The following CACNG4 variants were observed in gnomAD, a reference collection of about 807,000 sequenced individuals.
CACNG4 encodes the protein calcium voltage-gated channel auxiliary subunit gamma 4, also known as voltage-dependent calcium channel gamma-4 subunit.
A neutral mutation model predicts 22.9 loss-of-function variants in CACNG4; 8 were observed. The ratio of observed to expected loss-of-function variants is 0.35; its 90% confidence interval spans 0.21 to 0.63. The LOEUF (loss-of-function observed/expected upper bound fraction) is 0.63. Among genes scored for constraint, CACNG4 ranks in the 30% least tolerant of loss-of-function variants. The pLI, the probability that CACNG4 is intolerant of heterozygous loss-of-function variation, is 0.72. For synonymous variants in CACNG4, 188 were observed against 191.9 expected, an observed-to-expected ratio of 0.98 and a Z score of 0.17; for missense variants, 357 against 455.4, an observed-to-expected ratio of 0.78 and a Z score of 1.97.
rs535133076 is a variant in CACNG4 at position 67,013,256 on chromosome 17, G to C, written c.221-4933G>C. Among the ~76,000 whole-genome samples the C allele has an allele frequency of 9.9e-5, 15 of 152,172 alleles. No individual in the cohort carries two copies. In the South Asian group the frequency reaches 3.1e-3, roughly 32 times the overall value. ...CTCTGGCCCCCAGGGTTCACACCTC[G>C]CTTCCCAGCTCCCATGTCCAAGTGC... is the stretch of plus-strand genomic sequence containing the variant. On this transcript the variant is annotated intron_variant, in intron 1 of 3. Coordinates refer to ENST00000262138, the MANE Select transcript of CACNG4 (RefSeq NM_014405.4).
chr17:66,989,060 C>CA (rs35041834), intron 1 of CACNG4, among the ~76,000 whole-genome samples: 29,086 of 63,190 alleles, frequency 0.46, 6,921 homozygotes, highest in Non-Finnish European at 0.5. Flanking sequence ...GACTCTGCCT[C>CA]AAAAAAAAAA....
At chr17:67,004,617 A>G (rs2143331347) in intron 1 of CACNG4, among the ~76,000 whole-genome samples, 1 of 152,308 alleles carries the variant, frequency 6.6e-6, no homozygotes, top group Middle Eastern at 3.4e-3. Context: ...GGAGCCCTGG[A>G]AAAACAGGTT....
intron 1 of CACNG4, 44 bp downstream of exon 1, chr17:66,965,175 C>G: frequency 2.7e-6 from 3 of 1,130,150 alleles, no homozygotes; most frequent in Non-Finnish European, 3.8e-6. Flanking sequence ...CACACACACA[C>G]ACACACACAC....
At position 67,031,802 on chromosome 17, in the gene CACNG4, G is replaced by A; in HGVS notation, c.*798G>A. 1 of 456,696 alleles carries A rather than the reference G, an allele frequency of 2.2e-6. No individual in the cohort carries two copies. The highest frequency in any genetic ancestry group is 7.0e-5 in the East Asian group (1 of 14,380). 28.3% of individuals were successfully genotyped at this position (456,696 alleles called of 1,614,324 possible). ...GAGGGTTCCATCGGTCAGGGGAATG[G>A]CGGCCACGTGACCTCTTGCCGTGCC... On this transcript the variant is annotated 3_prime_UTR_variant, in exon 4 of 4. Coordinates refer to ENST00000262138, the MANE Select transcript of CACNG4 (RefSeq NM_014405.4). This position sits in a 1 kb window ranked among gnomAD's most constrained non-coding sequence, Gnocchi z 4.0.
At position 66,969,104 on chromosome 17, in the gene CACNG4, G is replaced by T. The variant is rs189176504; in HGVS notation, c.220+3973G>T. ...TCAATCTCATGCATTCTGGAATTCAGTGGGTACAGAATGTAAGCAAACATC... is the reference window on the plus strand; with the variant it reads ...TCAATCTCATGCATTCTGGAATTCATTGGGTACAGAATGTAAGCAAACATC... On this transcript the variant is annotated intron_variant, in intron 1 of 3. Coordinates refer to ENST00000262138, the MANE Select transcript of CACNG4 (RefSeq NM_014405.4). 2.6e-5 allele frequency among the ~76,000 whole-genome samples: 4 copies of T among 152,328 alleles called. No individual in the cohort carries two copies. The East Asian group carries it at 7.7e-4, about 29-fold the overall frequency.
At chr17:67,000,138 G>C (rs1038116552) in intron 1 of CACNG4, among the ~76,000 whole-genome samples, 7 of 152,146 alleles carry the variant, frequency 4.6e-5, no homozygotes, top group African/African-American at 1.7e-4. Context: ...AAGCAGAATC[G>C]CTGCATTCAG....
At chr17:66,985,151 A>T (rs1021462957) in intron 1 of CACNG4, among the ~76,000 whole-genome samples, 1 of 152,134 alleles carries the variant, frequency 6.6e-6, no homozygotes, top group African/African-American at 2.4e-5. Context: ...ACCCGCCCTC[A>T]TCCTGCCTTA....
chr17:67,016,592 GAC>G (rs1257699299), intron 1 of CACNG4, among the ~76,000 whole-genome samples: 4 of 152,234 alleles, frequency 2.6e-5, no homozygotes, highest in African/African-American at 9.6e-5. Context: ...GCTCCTGACT[GAC>G]TGAGGCAACA....
chr17:66,965,594 G>T (rs1481329719), intron 1 of CACNG4, among the ~76,000 whole-genome samples: 1 of 150,494 alleles, frequency 6.6e-6, no homozygotes, highest in Admixed American at 6.6e-5. Context: ...GGCAACCGGT[G>T]TCTGTGCTAT....
chr17:66,974,776 C>T (rs1291561857), intron 1 of CACNG4, among the ~76,000 whole-genome samples: 1 of 152,160 alleles, frequency 6.6e-6, no homozygotes, highest in African/African-American at 2.4e-5. Context: ...GCCACTTCCG[C>T]CCCCACAGGC....
chr17:67,007,239 T>C (rs1018123239), intron 1 of CACNG4, among the ~76,000 whole-genome samples: 3 of 152,148 alleles, frequency 2.0e-5, no homozygotes, highest in African/African-American at 4.8e-5. Flanking sequence ...CCTCAATGAC[T>C]CTAAACTATC....
intron 1 of CACNG4, among the ~76,000 whole-genome samples, chr17:66,989,570 G>A (rs2035326361): frequency 6.6e-6 from 1 of 151,572 alleles, no homozygotes; most frequent in Non-Finnish European, 1.5e-5. Flanking sequence ...TTTTAAGCCA[G>A]CTCGTTTGTG....
At chr17:66,979,347 C>A (rs1392347874) in intron 1 of CACNG4, among the ~76,000 whole-genome samples, 1 of 151,366 alleles carries the variant, frequency 6.6e-6, no homozygotes, top group Non-Finnish European at 1.5e-5. Context: ...GTTCTTGAAG[C>A]ATTTCCTAGA....
In CACNG4 at chr17:66,991,003, G is replaced by A. The variant is rs2035337062; in HGVS notation, c.220+25872G>A. Among the ~76,000 whole-genome samples the A allele has an allele frequency of 2.0e-5, 3 of 152,068 alleles. No homozygotes were observed. The South Asian group carries it at 6.2e-4, about 32-fold the overall frequency. ...CCTAAGTCTCCTTATTTTAAAAAGG[G>A]GTACATTAATACCAGACTCAAAGGG... is the stretch of plus-strand genomic sequence containing the variant. On this transcript the variant is annotated intron_variant, in intron 1 of 3. Coordinates refer to ENST00000262138, the MANE Select transcript of CACNG4 (RefSeq NM_014405.4).
chr17:66,987,948 C>A (rs1032490239), intron 1 of CACNG4, among the ~76,000 whole-genome samples: 3 of 151,830 alleles, frequency 2.0e-5, no homozygotes, highest in Non-Finnish European at 2.9e-5. Context: ...GGGCATGGTC[C>A]CAGTGTGTGC....
rs539909947 is a variant in CACNG4, at chr17:67,028,957, A to G, written c.446-1509A>G. Among the ~76,000 whole-genome samples, 16 of 152,370 alleles carry G rather than the reference A, an allele frequency of 1.1e-4. No homozygotes were observed. In the South Asian group the frequency reaches 2.3e-3, roughly 22 times the overall value. ...GTACCCTTACAGAGGGCACTTAGTG[A>G]CTAAATTTAAAACACTAAATGCAAT... On this transcript the variant is annotated intron_variant, in intron 3 of 3. Transcript: ENST00000262138.
intron 1 of CACNG4, among the ~76,000 whole-genome samples, chr17:67,004,281 G>T (rs1278604600): frequency 6.6e-6 from 1 of 152,202 alleles, no homozygotes; most frequent in African/African-American, 2.4e-5. Context: ...GGAGCGGTTG[G>T]TTGGGGAAAT....
At chr17:67,029,667 C>A (rs1485472316) in intron 3 of CACNG4, among the ~76,000 whole-genome samples, 1 of 152,104 alleles carries the variant, frequency 6.6e-6, no homozygotes, top group Non-Finnish European at 1.5e-5. Flanking sequence ...CAAAAACAAA[C>A]AAATCCATGT....
chr17:66,980,574 C>A (rs934726098), intron 1 of CACNG4, among the ~76,000 whole-genome samples: 7 of 147,314 alleles, frequency 4.8e-5, no homozygotes, highest in Admixed American at 1.3e-4. Context: ...ATAAAAGATT[C>A]TTTTACCTCA....
Sources: allele counts gnomAD v4.1 joint callset (sites outside exome capture counted in the v4.1 genomes callset), GRCh38; gene constraint gnomAD v4.1.1; non-coding constraint Gnocchi (gnomAD v3.1); transcripts MANE v1.5; gene names NCBI Gene and HGNC (gene_info 2026-07-23, HGNC 2026-07-21).